TMEM163: variants seen among roughly 807,000 people sequenced by gnomAD.
TMEM163 encodes the protein transmembrane protein 163.
A neutral mutation model predicts 29.3 loss-of-function variants in TMEM163; 17 were observed. That is an observed-to-expected ratio of 0.58 (90% CI 0.40 to 0.87). The LOEUF (loss-of-function observed/expected upper bound fraction) is 0.87. Among genes scored for constraint, TMEM163 ranks in the 40% least tolerant of loss-of-function variants. The pLI, the probability that TMEM163 is intolerant of heterozygous loss-of-function variation, is 0.00. For missense variants in TMEM163, 303 were observed against 381.5 expected (o/e 0.79, Z 1.71); for synonymous variants, 157 against 160.6 (o/e 0.98, Z 0.17).
At chr2:134,591,908 T>TAA (rs74672779) in intron 2 of TMEM163, among the ~76,000 whole-genome samples, 1,879 of 142,546 alleles carry the variant, frequency 0.013, 46 homozygotes, top group African/African-American at 0.042. Context: ...CAGTGTTGAT[T>TAA]AAAAAAAAAA....
chr2:134,622,054 C>G (rs1008498434), intron 2 of TMEM163, among the ~76,000 whole-genome samples: 3 of 151,932 alleles, frequency 2.0e-5, no homozygotes, highest in Non-Finnish European at 4.4e-5. Context: ...TTGAAAAAAG[C>G]AAAACACAAA....
At chr2:134,606,928 G>C (rs1407880734) in intron 2 of TMEM163, among the ~76,000 whole-genome samples, 2 of 148,006 alleles carry the variant, frequency 1.4e-5, no homozygotes, top group Non-Finnish European at 2.9e-5. Flanking sequence ...CCCGAGAACT[G>C]TGCTGGTGAA....
At chr2:134,642,790 A>G (rs1019337659) in intron 2 of TMEM163, among the ~76,000 whole-genome samples, 1 of 152,188 alleles carries the variant, frequency 6.6e-6, no homozygotes, top group Non-Finnish European at 1.5e-5. Context: ...ACTTCAAAAA[A>G]GAATTTGAAA....
chr2:134,612,603 T>C (rs1358466670), intron 2 of TMEM163, among the ~76,000 whole-genome samples: 1 of 146,744 alleles, frequency 6.8e-6, no homozygotes, highest in Non-Finnish European at 1.5e-5. Context: ...ATGGAAGACT[T>C]ACTAGTCAAA....
chr2:134,550,916 A>G (rs1330964614), intron 3 of TMEM163, among the ~76,000 whole-genome samples: 3 of 152,208 alleles, frequency 2.0e-5, no homozygotes, highest in Non-Finnish European at 4.4e-5. Flanking sequence ...ATAGAGCGGA[A>G]GGTGGGGGAG....
chr2:134,575,044 T>TG (rs1307763879), intron 2 of TMEM163, among the ~76,000 whole-genome samples: 5 of 82,674 alleles, frequency 6.0e-5, no homozygotes, highest in East Asian at 3.6e-4. Context: ...TGGGGCTCTG[T>TG]GGGGGGGTGG....
intron 4 of TMEM163, among the ~76,000 whole-genome samples, chr2:134,523,020 G>A (rs1033231798): frequency 3.3e-5 from 5 of 152,222 alleles, no homozygotes; most frequent in Admixed American, 6.5e-5. Context: ...ATAATGAGGT[G>A]CTGGTAATCA....
intron 5 of TMEM163, among the ~76,000 whole-genome samples, chr2:134,498,849 A>C (rs1043133551): frequency 2.0e-5 from 3 of 152,202 alleles, no homozygotes; most frequent in East Asian, 3.9e-4. Flanking sequence ...AGGAGGCCGG[A>C]GCCAAAAAGC....
intron 2 of TMEM163, among the ~76,000 whole-genome samples, chr2:134,562,553 C>A (rs973693326): frequency 6.6e-6 from 1 of 152,218 alleles, no homozygotes; most frequent in Non-Finnish European, 1.5e-5. Flanking sequence ...CACATTGAAC[C>A]TCTTTGGTTT....
At position 134,456,990 on chromosome 2, in the gene TMEM163, G is replaced by A. The variant is rs576359243; in HGVS notation, c.810-214C>T. Among the ~76,000 whole-genome samples the A allele has an allele frequency of 1.8e-4, 27 of 152,024 alleles. No individual in the cohort carries two copies. The South Asian group carries it at 4.8e-3, about 27-fold the overall frequency. On this transcript the variant is annotated intron_variant, in intron 7 of 7. Coordinates refer to ENST00000281924, the MANE Select transcript of TMEM163 (RefSeq NM_030923.5). The stretch of plus-strand genomic sequence containing the variant: ...ACTCCCCATCCTCCCCACGCCTGAC[G>A]AGAAGTACCCTCCTTCTGGCCTCTA...
At chr2:134,566,485 C>G (rs984478127) in intron 2 of TMEM163, among the ~76,000 whole-genome samples, 1 of 152,052 alleles carries the variant, frequency 6.6e-6, no homozygotes, top group African/African-American at 2.4e-5. Context: ...ATCGCTTGAA[C>G]CAGGGAGGTG....
intron 4 of TMEM163, among the ~76,000 whole-genome samples, chr2:134,533,565 G>T (rs1680462633): frequency 6.6e-6 from 1 of 152,116 alleles, no homozygotes; most frequent in Non-Finnish European, 1.5e-5. Context: ...TCAATGAGAC[G>T]AATGAAAATA....
At chr2:134,475,486 GTGAT>G (rs1490641998) in intron 5 of TMEM163, among the ~76,000 whole-genome samples, 2 of 152,062 alleles carry the variant, frequency 1.3e-5, no homozygotes, top group Non-Finnish European at 2.9e-5. Flanking sequence ...TAAGAAAACT[GTGAT>G]TAATTAGACT....
At chr2:134,511,450 G>A (rs1231132757) in intron 4 of TMEM163, among the ~76,000 whole-genome samples, 2 of 152,228 alleles carry the variant, frequency 1.3e-5, no homozygotes, top group Non-Finnish European at 2.9e-5. Flanking sequence ...GTCAGGAGAC[G>A]CAACCTGACT....
At chr2:134,706,343 C>T (rs1040538259) in intron 2 of TMEM163, among the ~76,000 whole-genome samples, 2 of 152,102 alleles carry the variant, frequency 1.3e-5, no homozygotes, top group Non-Finnish European at 2.9e-5. Context: ...AACCACAGTG[C>T]CCAAGCAGGG....
At chr2:134,457,947 C>T (rs1002192014) in intron 7 of TMEM163, 85 bp downstream of exon 7, 1 of 1,589,674 alleles carries the variant, frequency 6.3e-7, no homozygotes. Flanking sequence ...CCTTCAGAAG[C>T]CTGTCATTTC....
At chr2:134,510,507 C>A (rs2106490524) in intron 4 of TMEM163, among the ~76,000 whole-genome samples, 1 of 152,192 alleles carries the variant, frequency 6.6e-6, no homozygotes. Flanking sequence ...ATGTCAATGG[C>A]CACGAAAGCA....
chr2:134,510,752 A>G (rs1679928610), intron 4 of TMEM163, among the ~76,000 whole-genome samples: 1 of 152,140 alleles, frequency 6.6e-6, no homozygotes, highest in African/African-American at 2.4e-5. Flanking sequence ...AGCTTAAGGA[A>G]GGTCTGGACA....
intron 2 of TMEM163, among the ~76,000 whole-genome samples, chr2:134,605,925 A>AC (rs1393304496): frequency 1.3e-5 from 2 of 151,988 alleles, no homozygotes; most frequent in African/African-American, 4.8e-5. Flanking sequence ...ACATACACAC[A>AC]AAAAAAATCT....
Sources: allele counts gnomAD v4.1 joint callset (sites outside exome capture counted in the v4.1 genomes callset), GRCh38; gene constraint gnomAD v4.1.1; transcripts MANE v1.5; gene names NCBI Gene and HGNC (gene_info 2026-07-23, HGNC 2026-07-21).